The following EFR3A variants were observed in gnomAD, a reference collection of about 807,000 sequenced individuals.
EFR3A encodes the protein protein EFR3 homolog A.
Under a neutral mutation model 104.4 loss-of-function variants are expected in EFR3A, and 76 were observed. The ratio of observed to expected loss-of-function variants is 0.73; its 90% CI spans 0.60 to 0.88. The LOEUF (loss-of-function observed/expected upper bound fraction) is 0.88. EFR3A is among the 40% of genes least tolerant of loss of function. The pLI, the probability that EFR3A is intolerant of heterozygous loss-of-function variation, is 0.00. For synonymous variants in EFR3A, 330 were observed against 330.0 expected, an observed-to-expected ratio of 1.00 and a Z score of 0.00; for missense variants, 985 against 1,012.5, an observed-to-expected ratio of 0.97 and a Z score of 0.37.
chr8:132,012,122 A>T lies in EFR3A; in HGVS notation c.*1227A>T, dbSNP rs1253753791. On this transcript the variant is annotated 3_prime_UTR_variant, in exon 23 of 23. Transcript: ENST00000254624. Reference sequence around the variant, plus strand: ...AAATTCTCTTAGGACATTTTTATAAAGTCACCTGTTTATAGTTCTATCTTT... The same window carrying T: ...AAATTCTCTTAGGACATTTTTATAATGTCACCTGTTTATAGTTCTATCTTT... 6.6e-6 allele frequency: 1 copy of T among 152,202 alleles called. No individual in the cohort carries two copies. The highest frequency in any genetic ancestry group is 2.4e-5 in the African/African-American group (1 of 41,466). The allele number at this position is 152,202 out of a possible 1,614,324, so 9.4% of individuals were successfully genotyped here.
Position 131,913,821 on chromosome 8 carries a change from A to G in EFR3A, c.10+9499A>G, listed in dbSNP as rs1481333310. 7.9e-5 allele frequency among the ~76,000 whole-genome samples: 12 copies of G among 152,312 alleles called. No individual in the cohort carries two copies. In the South Asian group the frequency reaches 2.1e-3, roughly 26 times the overall value. On this transcript the variant is annotated intron_variant, in intron 1 of 22. Coordinates refer to ENST00000254624, the MANE Select transcript of EFR3A (RefSeq NM_015137.6). ...GAGCCGAGTGAAGTGTAAGGTGTCC[A>G]AGGTTGGCGTTGTCATTTCCTGGAA...
intron 10 of EFR3A, among the ~76,000 whole-genome samples, chr8:131,972,916 A>G (rs1276613398): frequency 1.3e-5 from 2 of 151,836 alleles, no homozygotes; most frequent in Non-Finnish European, 2.9e-5. Context: ...TGCATTTTGC[A>G]TCTCCATTGA....
intron 7 of EFR3A, among the ~76,000 whole-genome samples, chr8:131,958,765 C>G (rs151035937): frequency 6.6e-6 from 1 of 152,264 alleles, no homozygotes; most frequent in Non-Finnish European, 1.5e-5. Context: ...CCAATTTTTT[C>G]ACCTTTGAAG....
chr8:131,965,069 G>C (rs1187013223), intron 8 of EFR3A, among the ~76,000 whole-genome samples: 1 of 152,110 alleles, frequency 6.6e-6, no homozygotes, highest in Non-Finnish European at 1.5e-5. Flanking sequence ...ATTAATTCAA[G>C]ATGGATTAAA....
chr8:131,963,343 AAG>A (rs1266125778), intron 8 of EFR3A, among the ~76,000 whole-genome samples: 3 of 152,170 alleles, frequency 2.0e-5, no homozygotes, highest in Admixed American at 6.5e-5. Flanking sequence ...TACAGAAGAA[AAG>A]AGAGAAGAAT....
chr8:131,931,233 T>C (rs1563635835), intron 1 of EFR3A, among the ~76,000 whole-genome samples: 2 of 152,164 alleles, frequency 1.3e-5, no homozygotes, highest in Admixed American at 6.5e-5. Flanking sequence ...AGAAGCATTG[T>C]ACTATGGAAA....
intron 10 of EFR3A, among the ~76,000 whole-genome samples, chr8:131,974,408 G>T (rs906395886): frequency 6.6e-6 from 1 of 152,186 alleles, no homozygotes; most frequent in African/African-American, 2.4e-5. Context: ...TTATGTCCTT[G>T]TGGTAATAAC....
At chr8:132,006,520 C>CGTTA (rs1274683955) in intron 22 of EFR3A, among the ~76,000 whole-genome samples, 2 of 151,986 alleles carry the variant, frequency 1.3e-5, no homozygotes, top group East Asian at 3.9e-4. Context: ...AACCCTATAA[C>CGTTA]TGTTGAAATA....
intron 1 of EFR3A, among the ~76,000 whole-genome samples, chr8:131,934,205 C>T (rs532308367): frequency 1.3e-5 from 2 of 152,272 alleles, no homozygotes; most frequent in African/African-American, 4.8e-5. Flanking sequence ...TCTTTCAAAG[C>T]TCTGGGACAC....
chr8:131,909,992 A>G (rs1311607257), intron 1 of EFR3A, among the ~76,000 whole-genome samples: 2 of 152,196 alleles, frequency 1.3e-5, no homozygotes, highest in African/African-American at 4.8e-5. Flanking sequence ...CAGAGGTCCA[A>G]GTAGCTTGCA....
intron 17 of EFR3A, among the ~76,000 whole-genome samples, chr8:131,986,700 G>A (rs1043947331): frequency 2.7e-5 from 4 of 150,326 alleles, no homozygotes; most frequent in African/African-American, 4.9e-5. Context: ...CTGGAGAATC[G>A]CTTGATCCCA....
At chr8:131,964,982 C>A (rs111440106) in intron 8 of EFR3A, among the ~76,000 whole-genome samples, 56,284 of 151,542 alleles carry the variant, frequency 0.37, 10,740 homozygotes, top group East Asian at 0.61. Context: ...TCCCTATTTA[C>A]TAAATGGTGC....
intron 22 of EFR3A, among the ~76,000 whole-genome samples, chr8:132,010,372 A>G (rs1172994461): frequency 7.0e-6 from 1 of 141,938 alleles, no homozygotes; most frequent in Non-Finnish European, 1.5e-5. Context: ...ATGAAAATGA[A>G]CCTGCATTTG....
At chr8:131,972,256 CT>C (rs34550285) in intron 10 of EFR3A, among the ~76,000 whole-genome samples, 66 of 139,584 alleles carry the variant, frequency 4.7e-4, no homozygotes, top group Non-Finnish European at 6.6e-4. Flanking sequence ...CTCCCTGAAC[CT>C]TTTTTTTTTT....
chr8:131,991,385 A>C (rs1470697218), intron 18 of EFR3A, among the ~76,000 whole-genome samples: 1 of 151,696 alleles, frequency 6.6e-6, no homozygotes, highest in African/African-American at 2.4e-5. Context: ...AAAGAAGTAC[A>C]TATTTCAGCT....
At position 131,980,065 on chromosome 8, in the gene EFR3A, A is replaced by G. The variant is rs1300872811; in HGVS notation, c.1575+644A>G. Reference sequence around the variant, plus strand: ...TGCTATACACTGAGTCAATATTAAGAGATACGATAACCATGACACTGCCAG... The same window carrying G: ...TGCTATACACTGAGTCAATATTAAGGGATACGATAACCATGACACTGCCAG... On this transcript the variant is annotated intron_variant, in intron 14 of 22. Coordinates refer to ENST00000254624, the MANE Select transcript of EFR3A (RefSeq NM_015137.6). 4.6e-5 allele frequency among the ~76,000 whole-genome samples: 7 copies of G among 152,270 alleles called. No individual in the cohort carries two copies. The South Asian group carries it at 1.2e-3, about 27-fold the overall frequency.
intron 1 of EFR3A, among the ~76,000 whole-genome samples, chr8:131,934,267 C>T (rs1431817502): frequency 2.0e-5 from 3 of 152,128 alleles, no homozygotes; most frequent in Admixed American, 6.6e-5. Flanking sequence ...GTGTTGCTTG[C>T]GTTGTTCCAT....
At chr8:131,957,661 C>A (rs1291163264) in intron 7 of EFR3A, among the ~76,000 whole-genome samples, 1 of 150,976 alleles carries the variant, frequency 6.6e-6, no homozygotes, top group Non-Finnish European at 1.5e-5. Flanking sequence ...GGGCCAGTAT[C>A]TTTTAATGTA....
intron 1 of EFR3A, among the ~76,000 whole-genome samples, chr8:131,912,223 T>C (rs532477167): frequency 2.0e-5 from 3 of 152,286 alleles, no homozygotes; most frequent in East Asian, 3.9e-4. Flanking sequence ...CTCATCTGAA[T>C]CCTGGGTGGG....
Sources: gnomAD v4.1 joint callset for allele counts (sites outside exome capture counted in the v4.1 genomes callset) on GRCh38, gnomAD v4.1.1 for gene constraint, MANE v1.5 for transcripts, NCBI Gene and HGNC (gene_info 2026-07-23, HGNC 2026-07-21) for gene names.